NEGR1: variants seen among roughly 807,000 people sequenced by gnomAD.
The protein encoded by NEGR1 is IgLON family member 4.
Under a neutral mutation model 40.9 loss-of-function variants are expected in NEGR1, and 10 were observed. That is an observed-to-expected ratio of 0.24 (90% CI 0.15 to 0.42). The LOEUF (loss-of-function observed/expected upper bound fraction) is 0.42, where lower values mean the gene tolerates loss of function less well. NEGR1 is among the 10% of genes least tolerant of loss of function. NEGR1 has a pLI of 1.00. For synonymous variants in NEGR1, 185 were observed against 166.8 expected (o/e 1.11, Z -0.84); for missense variants, 352 against 438.9 (o/e 0.80, Z 1.77).
intron 3 of NEGR1, among the ~76,000 whole-genome samples, chr1:71,770,746 C>T (rs181724839): frequency 3.3e-5 from 5 of 152,162 alleles, no homozygotes; most frequent in African/African-American, 4.8e-5. Context: ...AAAACCACAA[C>T]GAGATACCAT....
intron 3 of NEGR1, among the ~76,000 whole-genome samples, chr1:71,714,359 C>A (rs1263423459): frequency 6.6e-6 from 1 of 152,242 alleles, no homozygotes; most frequent in Non-Finnish European, 1.5e-5. Context: ...TATCATTCTG[C>A]CTTTGGCCCC....
At chr1:72,032,303 G>A (rs924033440) in intron 1 of NEGR1, among the ~76,000 whole-genome samples, 1 of 152,098 alleles carries the variant, frequency 6.6e-6, no homozygotes, top group Non-Finnish European at 1.5e-5. Context: ...AGGAAGTTTC[G>A]GAACAGAGGG....
intron 1 of NEGR1, among the ~76,000 whole-genome samples, chr1:72,026,110 C>CAAAAAAAAAAA (rs1172589239): frequency 4.2e-4 from 13 of 31,144 alleles, no homozygotes; most frequent in South Asian, 1.7e-3. Context: ...GACTCCGTCT[C>CAAAAAAAAAAA]AAAAAAAAAA....
chr1:71,683,558 C>A (rs1652910904), intron 4 of NEGR1, among the ~76,000 whole-genome samples: 1 of 151,916 alleles, frequency 6.6e-6, no homozygotes, highest in Non-Finnish European at 1.5e-5. Context: ...ACATATTATA[C>A]CTCAAAAGGA....
intron 3 of NEGR1, among the ~76,000 whole-genome samples, chr1:71,707,980 T>C (rs1362336428): frequency 6.6e-6 from 1 of 152,064 alleles, no homozygotes; most frequent in Admixed American, 6.5e-5. Flanking sequence ...ATAGCTTAGA[T>C]CACAACACCA....
In NEGR1 at chr1:71,935,149, A is replaced by G. The variant is rs1645892586; in HGVS notation, c.339T>C (p.Asp113=). 1 of 1,613,888 alleles carries G rather than the reference A, an allele frequency of 6.2e-7. No homozygotes were observed. Among genetic ancestry groups the G allele is most frequent in the Non-Finnish European group, 8.5e-7 (1 of 1,179,848 alleles). The change falls in exon 2 of 7, where the codon GAT becomes GAC. Residue 113 remains aspartate (D), a synonymous_variant. Transcript: ENST00000357731. ...LQIQNVDVTD[D]GPYTCSVQTQ... is the part of the protein sequence containing the mutation. ...TCTGAACAGAACACGTGTATGGGCC[A>G]TCATCTGTCACATCTACATTCTGTA...
At chr1:71,990,203 T>C (rs1483175643) in intron 1 of NEGR1, among the ~76,000 whole-genome samples, 1 of 152,174 alleles carries the variant, frequency 6.6e-6, no homozygotes, top group Non-Finnish European at 1.5e-5. Flanking sequence ...TTTCCAAAAG[T>C]TGTTGATCTT....
At chr1:71,836,669 T>G (rs1205052620) in intron 2 of NEGR1, among the ~76,000 whole-genome samples, 1 of 151,924 alleles carries the variant, frequency 6.6e-6, no homozygotes, top group African/African-American at 2.4e-5. Context: ...AAAAACTCAC[T>G]CTAAACAAAA....
chr1:72,252,268 G>A (rs528436279), intron 1 of NEGR1, among the ~76,000 whole-genome samples: 160 of 152,012 alleles, frequency 1.1e-3, no homozygotes, highest in African/African-American at 3.6e-3. Context: ...GGTCTCAAAC[G>A]TCTGACCTAA....
intron 3 of NEGR1, among the ~76,000 whole-genome samples, chr1:71,743,500 T>G (rs555236528): frequency 6.6e-6 from 1 of 152,278 alleles, no homozygotes; most frequent in South Asian, 2.1e-4. Flanking sequence ...ATTTTAATTT[T>G]AACTAATGCT....
chr1:71,553,503 A>G (rs992006356), intron 6 of NEGR1, among the ~76,000 whole-genome samples: 6 of 151,560 alleles, frequency 4.0e-5, no homozygotes, highest in African/African-American at 1.5e-4. Flanking sequence ...TAGGCCAGAC[A>G]CTATCAGAAT....
intron 3 of NEGR1, among the ~76,000 whole-genome samples, chr1:71,745,831 C>T (rs143601114): frequency 1.7e-3 from 265 of 152,210 alleles, no homozygotes; most frequent in Non-Finnish European, 2.5e-3. Context: ...TTTCCCAAAG[C>T]CAACCATAAA....
chr1:71,953,866 T>G (rs1300876476), intron 1 of NEGR1, among the ~76,000 whole-genome samples: 1 of 151,892 alleles, frequency 6.6e-6, no homozygotes, highest in Non-Finnish European at 1.5e-5. Context: ...ACTTAATAGA[T>G]GACAACATAA....
chr1:71,694,744 T>C (rs1653418811), intron 4 of NEGR1, among the ~76,000 whole-genome samples: 1 of 151,798 alleles, frequency 6.6e-6, no homozygotes, highest in Non-Finnish European at 1.5e-5. Context: ...CAAATTGACT[T>C]ACCACATAAC....
At chr1:71,917,634 C>G (rs1420107391) in intron 2 of NEGR1, among the ~76,000 whole-genome samples, 1 of 151,254 alleles carries the variant, frequency 6.6e-6, no homozygotes, top group African/African-American at 2.4e-5. Context: ...AAAAATTAGC[C>G]GGGCCTGGTG....
intron 1 of NEGR1, among the ~76,000 whole-genome samples, chr1:72,143,021 A>G (rs1447701338): frequency 1.3e-5 from 2 of 151,986 alleles, no homozygotes; most frequent in East Asian, 3.9e-4. Context: ...TAGAAAGCTG[A>G]TTGAAGTCAA....
chr1:71,866,792 G>T (rs1243024284), intron 2 of NEGR1, among the ~76,000 whole-genome samples: 2 of 152,126 alleles, frequency 1.3e-5, no homozygotes, highest in African/African-American at 2.4e-5. Context: ...AATAAACGTG[G>T]TAAGAAGTGA....
At chr1:72,216,371 T>TTA (rs1244656582) in intron 1 of NEGR1, among the ~76,000 whole-genome samples, 13 of 115,706 alleles carry the variant, frequency 1.1e-4, no homozygotes, top group Middle Eastern at 4.0e-3. Context: ...AACTTGGAAG[T>TTA]TATATATATA....
At chr1:71,660,108 A>T (rs1377068551) in intron 4 of NEGR1, among the ~76,000 whole-genome samples, 2 of 152,252 alleles carry the variant, frequency 1.3e-5, no homozygotes, top group Non-Finnish European at 2.9e-5. Flanking sequence ...GGATAAAGAA[A>T]ATGTGGCACA....
Sources: gnomAD v4.1 joint callset for allele counts (sites outside exome capture counted in the v4.1 genomes callset) on GRCh38, gnomAD v4.1.1 for gene constraint, MANE v1.5 for transcripts, NCBI Gene and HGNC (gene_info 2026-07-23, HGNC 2026-07-21) for gene names.